The following MID1 variants were observed in gnomAD, a reference collection of about 807,000 sequenced individuals.
MID1 encodes E3 ubiquitin-protein ligase Midline-1.
Under a neutral mutation model 40.4 loss-of-function variants are expected in MID1, and 7 were observed. The observed-to-expected ratio is 0.17, with a 90% CI of 0.10 to 0.33. The LOEUF is 0.33. Among genes scored for constraint, MID1 ranks in the 10% least tolerant of loss-of-function variants. The pLI is 1.00. For missense variants in MID1, 367 were observed against 558.5 expected (o/e 0.66, Z 3.46); for synonymous variants, 229 against 221.2 (o/e 1.04, Z -0.31).
At chrX:10,659,796 C>T (rs955320720) in intron 1 of MID1, among the ~76,000 whole-genome samples, 6 of 111,742 alleles carry the variant, frequency 5.4e-5, no homozygotes, top group Non-Finnish European at 1.1e-4. Context: ...AACGTATGTG[C>T]TGTGTCTTTT....
intron 3 of MID1, among the ~76,000 whole-genome samples, chrX:10,507,191 A>G (rs1477892708): frequency 1.1e-5 from 1 of 93,225 alleles, no homozygotes. Context: ...CTCCCTCTTT[A>G]TACATTATCA....
At chrX:10,618,427 G>A (rs762619038) in intron 1 of MID1, among the ~76,000 whole-genome samples, 15 of 111,532 alleles carry the variant, frequency 1.3e-4, no homozygotes, top group African/African-American at 4.2e-4. Context: ...GGAACAACAT[G>A]CTAGATTCTG....
At chrX:10,727,697 T>C (rs961622362) in intron 1 of MID1, among the ~76,000 whole-genome samples, 5 of 111,474 alleles carry the variant, frequency 4.5e-5, no homozygotes, top group African/African-American at 6.5e-5. Context: ...TGACTTCTAC[T>C]GAATCTGAGC....
chrX:10,596,220 T>C (rs1317851859), intron 1 of MID1, among the ~76,000 whole-genome samples: 2 of 111,628 alleles, frequency 1.8e-5, no homozygotes, highest in African/African-American at 6.5e-5. Context: ...GACTGACATC[T>C]GGATCATATT....
chrX:10,669,184 A>G (rs1251158669), intron 1 of MID1, among the ~76,000 whole-genome samples: 1 of 99,606 alleles, frequency 1.0e-5, no homozygotes, highest in Non-Finnish European at 2.0e-5. Context: ...GCACCACTGC[A>G]GTCCGCAGTC....
rs1402990604 is a variant in MID1, at chrX:10,465,210, T to TAC, written c.1285+4486_1285+4487insGT. Among the ~76,000 whole-genome samples, 174 of 61,991 alleles carry TAC rather than the reference T, an allele frequency of 2.8e-3. 1 individual carries two copies. The highest frequency in any genetic ancestry group is 0.014 in the African/African-American group (152 of 10,883). The allele number at this position is 61,991 out of a possible 115,157, so 53.8% of individuals were successfully genotyped here. ...TTTTATATATATATATATATATATATATATACACACACACACACACACACA... is the reference window on the plus strand; with the variant it reads ...TTTTATATATATATATATATATATATACATATACACACACACACACACACACA... On this transcript the variant is annotated intron_variant, in intron 7 of 9. Transcript: ENST00000317552.
At chrX:10,464,916 GGCTCATGCCT>G (rs1163694120) in intron 7 of MID1, among the ~76,000 whole-genome samples, 1 of 110,914 alleles carries the variant, frequency 9.0e-6, no homozygotes, top group African/African-American at 3.3e-5. Flanking sequence ...TGGGTGCAGT[GGCTCATGCCT>G]GTAATCCCAA....
rs757390504 is a variant in MID1, at chrX:10,636,785, G to GACATAT, written c.-186-16367_-186-16366insATATGT. Among the ~76,000 whole-genome samples, 7 of 42,719 alleles carry GACATAT rather than the reference G, an allele frequency of 1.6e-4. 1 individual carries two copies. The highest frequency in any genetic ancestry group is 2.8e-4 in the Non-Finnish European group (7 of 24,760). The allele number at this position is 42,719 out of a possible 115,157, so 37.1% of individuals were successfully genotyped here. On this transcript the variant is annotated intron_variant, in intron 1 of 10. Transcript: ENST00000380785. ...CAAACTGGGCCATTCCAACAATGGG[G>GACATAT]ATATATATATATATATATATATATA... is the stretch of plus-strand genomic sequence containing the variant.
At chrX:10,727,394 C>G (rs1049714010) in intron 1 of MID1, among the ~76,000 whole-genome samples, 1 of 113,037 alleles carries the variant, frequency 8.8e-6, no homozygotes, top group Admixed American at 9.3e-5. Context: ...GCTGGGATGA[C>G]AGGCGTGAGC....
intron 1 of MID1, among the ~76,000 whole-genome samples, chrX:10,613,765 A>G (rs1255272891): frequency 2.4e-5 from 2 of 84,928 alleles, no homozygotes; most frequent in Non-Finnish European, 4.3e-5. Context: ...AGAGAGAGAG[A>G]GAGACAGACA....
At chrX:10,465,509 C>T (rs760990042) in intron 7 of MID1, among the ~76,000 whole-genome samples, 32 of 110,075 alleles carry the variant, frequency 2.9e-4, no homozygotes, top group African/African-American at 8.3e-4. Context: ...AAGGCGAAGG[C>T]GAAGGGAGTT....
chrX:10,556,378 C>T (rs1340115598), intron 2 of MID1, among the ~76,000 whole-genome samples: 1 of 111,499 alleles, frequency 9.0e-6, no homozygotes, highest in Non-Finnish European at 1.9e-5. Context: ...TTTTTAAAGC[C>T]ATTTCTTTCA....
At chrX:10,692,920 G>T (rs1005468611) in intron 1 of MID1, among the ~76,000 whole-genome samples, 1 of 111,348 alleles carries the variant, frequency 9.0e-6, no homozygotes, top group Non-Finnish European at 1.9e-5. Context: ...TGAGACAAAA[G>T]GATAGTTCGA....
rs750813883 is a variant in MID1 at position 10,482,468 on chromosome X, C to T, written c.1013+12G>A. 11 of 1,209,154 alleles carry T rather than the reference C, an allele frequency of 9.1e-6. No individual in the cohort carries two copies. The East Asian group carries it at 3.0e-4, about 32-fold the overall frequency. On this transcript the variant is annotated intron_variant, in intron 5 of 9. Transcript: ENST00000317552. ...CAGCAGCCGAGAAATTCCCAGGGGC[C>T]CCTGCACTCACCTCTCGGTGATATT...
chrX:10,648,712 T>C (rs752281954), intron 1 of MID1, among the ~76,000 whole-genome samples: 1 of 111,770 alleles, frequency 8.9e-6, no homozygotes, highest in East Asian at 2.8e-4. Flanking sequence ...TTTTTCTTCC[T>C]GGGCACACGG....
intron 2 of MID1, among the ~76,000 whole-genome samples, chrX:10,552,556 G>A (rs944833549): frequency 1.1e-4 from 12 of 108,585 alleles, no homozygotes; most frequent in East Asian, 5.7e-4. Context: ...ATAAATAGTC[G>A]TTATACTTTT....
intron 1 of MID1, among the ~76,000 whole-genome samples, chrX:10,712,829 TTTTC>T (rs1267199547): frequency 1.8e-5 from 2 of 111,519 alleles, no homozygotes; most frequent in African/African-American, 6.5e-5. Flanking sequence ...TTATTATTTC[TTTTC>T]TTTCTTTCTT....
At chrX:10,539,533 A>C (rs1200594764) in intron 2 of MID1, among the ~76,000 whole-genome samples, 1 of 112,422 alleles carries the variant, frequency 8.9e-6, no homozygotes, top group African/African-American at 3.2e-5. Context: ...GATTCTTAAA[A>C]TAAAGCTGCT....
intron 2 of MID1, among the ~76,000 whole-genome samples, chrX:10,566,532 CCTCTCTCTCTCTCT>C (rs773613255): frequency 1.9e-5 from 1 of 52,877 alleles, no homozygotes; most frequent in African/African-American, 6.0e-5. Flanking sequence ...CCTCTCTCTC[CCTCTCTCTCTCTCT>C]CTCTCTCTCT....
Sources: allele counts gnomAD v4.1 joint callset (sites outside exome capture counted in the v4.1 genomes callset), GRCh38; gene constraint gnomAD v4.1.1; transcripts MANE v1.5; gene names NCBI Gene and HGNC (gene_info 2026-07-23, HGNC 2026-07-21).